Variants in FRMPD4 observed in about 807,000 individuals in gnomAD.
FRMPD4 encodes FERM and PDZ domain containing 4.
A neutral mutation model predicts 94.1 loss-of-function variants in FRMPD4; 22 were observed. The ratio of observed to expected loss-of-function variants is 0.23; its 90% CI spans 0.17 to 0.33. FRMPD4 has a LOEUF of 0.33. FRMPD4 is among the 10% of genes least tolerant of loss of function. FRMPD4 has a pLI of 1.00. For synonymous variants in FRMPD4, 631 were observed against 548.6 expected (o/e 1.15, Z -2.10); for missense variants, 1,111 against 1,339.9 (o/e 0.83, Z 2.67).
intron 10 of FRMPD4, among the ~76,000 whole-genome samples, chrX:12,702,751 A>G (rs996862064): frequency 6.2e-5 from 7 of 112,523 alleles, no homozygotes; most frequent in Admixed American, 1.9e-4. Flanking sequence ...CACTGTTCTG[A>G]CAACTCTCAG....
At chrX:12,226,411 C>T (rs1157411770) in intron 1 of FRMPD4, among the ~76,000 whole-genome samples, 1 of 111,989 alleles carries the variant, frequency 8.9e-6, no homozygotes, top group Non-Finnish European at 1.9e-5. Flanking sequence ...AAAGTGGTGA[C>T]TATCACTTGA....
chrX:11,840,121 T>G (rs193032006), intron 1 of FRMPD4, among the ~76,000 whole-genome samples: 1 of 111,593 alleles, frequency 9.0e-6, no homozygotes, highest in Non-Finnish European at 1.9e-5. Context: ...TGATGAGATT[T>G]TAATAGGGAT....
chrX:12,115,746 C>T (rs2055403309), intron 3 of FRMPD4, among the ~76,000 whole-genome samples: 2 of 109,994 alleles, frequency 1.8e-5, no homozygotes. Context: ...AATTTTCATT[C>T]CTGCAGTGTC....
chrX:11,925,023 G>A (rs1243439839), intron 3 of FRMPD4, among the ~76,000 whole-genome samples: 2 of 110,540 alleles, frequency 1.8e-5, no homozygotes, highest in African/African-American at 6.6e-5. Flanking sequence ...CACATGCAGT[G>A]ACACATATAG....
intron 1 of FRMPD4, among the ~76,000 whole-genome samples, chrX:12,164,617 C>A (rs1459701648): frequency 8.9e-6 from 1 of 112,128 alleles, no homozygotes; most frequent in African/African-American, 3.3e-5. Context: ...CCTGAGGAAT[C>A]GCCACACTGA....
At chrX:12,325,177 C>T (rs942656451) in intron 1 of FRMPD4, among the ~76,000 whole-genome samples, 1 of 112,193 alleles carries the variant, frequency 8.9e-6, no homozygotes, top group Non-Finnish European at 1.9e-5. Context: ...GTATTAGACT[C>T]ATGTGTAATA....
intron 3 of FRMPD4, among the ~76,000 whole-genome samples, chrX:12,076,374 G>GGAGA (rs1203790294): frequency 2.8e-5 from 3 of 106,692 alleles, no homozygotes; most frequent in African/African-American, 1.0e-4. Context: ...GTGTGTGTGT[G>GGAGA]GAGAGAGAGA....
At chrX:12,134,079 T>C (rs1292120094), upstream of FRMPD4, among the ~76,000 whole-genome samples, 2 of 112,213 alleles carry the variant, frequency 1.8e-5, no homozygotes, top group African/African-American at 3.2e-5. Flanking sequence ...TGTTTTATCC[T>C]TGCCGTTCCG....
intron 3 of FRMPD4, among the ~76,000 whole-genome samples, chrX:12,019,361 G>A (rs1046619959): frequency 7.0e-4 from 76 of 108,895 alleles, no homozygotes; most frequent in African/African-American, 2.4e-3. Flanking sequence ...AATTGTCTCC[G>A]GCTTTCACAT....
At chrX:12,442,912 C>T (rs1379177954) in intron 1 of FRMPD4, among the ~76,000 whole-genome samples, 3 of 111,585 alleles carry the variant, frequency 2.7e-5, no homozygotes, top group Non-Finnish European at 3.8e-5. Context: ...AAAAGAGTGA[C>T]GTATTGGTAC....
At chrX:12,483,457 T>A (rs1459671749) in intron 1 of FRMPD4, among the ~76,000 whole-genome samples, 1 of 112,177 alleles carries the variant, frequency 8.9e-6, no homozygotes, top group Admixed American at 9.4e-5. Flanking sequence ...ACTTTATGGA[T>A]CCCAATTTAG....
chrX:12,634,825 T>TC (rs1491460924), intron 4 of FRMPD4, among the ~76,000 whole-genome samples: 1 of 20,622 alleles, frequency 4.8e-5, no homozygotes, highest in South Asian at 1.4e-3. Context: ...TCCATCTCTC[T>TC]TTTTTTTTTT....
intron 1 of FRMPD4, among the ~76,000 whole-genome samples, chrX:12,413,634 G>C (rs534163757): frequency 1.8e-5 from 2 of 111,934 alleles, no homozygotes; most frequent in African/African-American, 6.5e-5. Context: ...AGAACAGCTG[G>C]CCCAGTGGTC....
intron 1 of FRMPD4, among the ~76,000 whole-genome samples, chrX:12,190,708 AAG>A (rs2147692270): frequency 9.2e-6 from 1 of 108,657 alleles, no homozygotes; most frequent in African/African-American, 3.3e-5. Context: ...AAAAAAAAAA[AAG>A]AATCTACACA....
chrX:11,828,256 AG>A (rs1217614172), intron 1 of FRMPD4, among the ~76,000 whole-genome samples: 1 of 112,283 alleles, frequency 8.9e-6, no homozygotes, highest in Non-Finnish European at 1.9e-5. Context: ...TACAAAAAAG[AG>A]AAAATTAACA....
chrX:12,402,764 G>A (rs1342965728), intron 1 of FRMPD4, among the ~76,000 whole-genome samples: 1 of 111,773 alleles, frequency 8.9e-6, no homozygotes, highest in East Asian at 2.8e-4. Flanking sequence ...ACCAGTTTAG[G>A]CCTTCCTTTA....
At chrX:12,402,368 C>T (rs1205003421) in intron 1 of FRMPD4, among the ~76,000 whole-genome samples, 1 of 111,131 alleles carries the variant, frequency 9.0e-6, no homozygotes, top group East Asian at 2.8e-4. Flanking sequence ...GGTCCAAAGC[C>T]CCTGAGGTGG....
At chrX:12,072,779 T>C (rs1308481604) in intron 3 of FRMPD4, among the ~76,000 whole-genome samples, 1 of 111,400 alleles carries the variant, frequency 9.0e-6, no homozygotes, top group Non-Finnish European at 1.9e-5. Flanking sequence ...CACACTGAGC[T>C]TTTTATTTGT....
intron 1 of FRMPD4, among the ~76,000 whole-genome samples, chrX:12,457,507 A>G (rs1692858244): frequency 8.9e-6 from 1 of 111,811 alleles, no homozygotes; most frequent in Admixed American, 9.5e-5. Flanking sequence ...CATGAATACT[A>G]CATACGGTAT....
Sources: allele counts gnomAD v4.1 joint callset (sites outside exome capture counted in the v4.1 genomes callset), GRCh38; gene constraint gnomAD v4.1.1; transcripts MANE v1.5; gene names NCBI Gene and HGNC (gene_info 2026-07-23, HGNC 2026-07-21).